Variants in PTP4A3 observed in about 807,000 individuals in gnomAD.
The protein encoded by PTP4A3 is protein tyrosine phosphatase 4A3.
A neutral mutation model predicts 15.2 loss-of-function variants in PTP4A3; 9 were observed. The observed-to-expected ratio is 0.59, with a 90% CI of 0.36 to 1.03. PTP4A3 has a LOEUF of 1.03. PTP4A3 is among the 50% of genes least tolerant of loss of function. The probability of loss-of-function intolerance (pLI) is 0.02; values close to 1 mark genes in which losing one functional copy is unlikely to be tolerated. For synonymous variants in PTP4A3, 95 were observed against 102.0 expected, an observed-to-expected ratio of 0.93 and a Z score of 0.41; for missense variants, 234 against 252.1, an observed-to-expected ratio of 0.93 and a Z score of 0.49.
At chr8:141,419,576 T>C (rs1159410197) in intron 1 of PTP4A3, among the ~76,000 whole-genome samples, 2 of 150,660 alleles carry the variant, frequency 1.3e-5, no homozygotes, top group Non-Finnish European at 3.0e-5. Flanking sequence ...CACCGGTTTT[T>C]TTTTTTTTTT....
At chr8:141,408,958 G>A (rs1832798942) in intron 1 of PTP4A3, among the ~76,000 whole-genome samples, 1 of 152,258 alleles carries the variant, frequency 6.6e-6, no homozygotes, top group Non-Finnish European at 1.5e-5. Context: ...AAGGTTGTGA[G>A]GTACCCACGC....
rs528643806 is a variant in PTP4A3 at position 141,393,436 on chromosome 8, G to A, written c.-854+1352G>A. Reference sequence around the variant, plus strand: ...GGAATTCCTGGGCTGTTTCCAAATAGCCCCGCTAGGGAGCTGGTCACCCCT... The same window carrying A: ...GGAATTCCTGGGCTGTTTCCAAATAACCCCGCTAGGGAGCTGGTCACCCCT... On this transcript the variant is annotated intron_variant, in intron 1 of 5. Coordinates refer to ENST00000521578, the MANE Select transcript of PTP4A3 (RefSeq NM_032611.3). Among the ~76,000 whole-genome samples the A allele has an allele frequency of 8.5e-5, 13 of 152,308 alleles. No individual in the cohort carries two copies. The South Asian group carries it at 2.7e-3, about 32-fold the overall frequency.
chr8:141,428,743 G>C (rs912152997), intron 5 of PTP4A3, among the ~76,000 whole-genome samples: 1 of 152,234 alleles, frequency 6.6e-6, no homozygotes, highest in Non-Finnish European at 1.5e-5. Context: ...ACGCATGGGG[G>C]TCATACAGGC....
Position 141,406,576 on chromosome 8 carries a change from A to C in PTP4A3, c.-854+14492A>C, listed in dbSNP as rs147816512. ...CTGCTCTGTTGGACCAATTAGGCCAACTCTGGGGATATGTGACCCCAGTGT... is the reference window on the plus strand; with the variant it reads ...CTGCTCTGTTGGACCAATTAGGCCACCTCTGGGGATATGTGACCCCAGTGT... On this transcript the variant is annotated intron_variant, in intron 1 of 5. Coordinates refer to ENST00000521578, the MANE Select transcript of PTP4A3 (RefSeq NM_032611.3). The surrounding 1 kb of genome is among the most constrained non-coding windows in gnomAD (Gnocchi z 4.5). 2.1e-3 allele frequency among the ~76,000 whole-genome samples: 322 copies of C among 151,264 alleles called. 2 individuals are homozygous for C. Among genetic ancestry groups the C allele is most frequent in the South Asian group, 8.4e-3 (40 of 4,788 alleles).
chr8:141,402,729 A>G (rs1386385375), intron 1 of PTP4A3, among the ~76,000 whole-genome samples: 4 of 28,022 alleles, frequency 1.4e-4, no homozygotes, highest in Non-Finnish European at 2.3e-4. Flanking sequence ...CTTTCCCCCC[A>G]CCCCTCCCCC....
intron 1 of PTP4A3, among the ~76,000 whole-genome samples, chr8:141,419,159 G>A (rs559838808): frequency 3.3e-5 from 5 of 152,222 alleles, no homozygotes; most frequent in African/African-American, 1.2e-4. Flanking sequence ...GGGGTGGTTC[G>A]GAGCCTCCTC....
intron 1 of PTP4A3, among the ~76,000 whole-genome samples, chr8:141,417,451 T>C (rs1833098989): frequency 6.6e-6 from 1 of 151,966 alleles, no homozygotes. Context: ...GGCGCCCTCC[T>C]CCTCAGGGTG....
chr8:141,419,318 T>C (rs954960248), intron 1 of PTP4A3, among the ~76,000 whole-genome samples: 1 of 152,194 alleles, frequency 6.6e-6, no homozygotes, highest in African/African-American at 2.4e-5. Context: ...GGCCCAATAC[T>C]GTGGTTTCTC....
chr8:141,412,662 C>T (rs1832901045), intron 1 of PTP4A3, among the ~76,000 whole-genome samples: 1 of 152,240 alleles, frequency 6.6e-6, no homozygotes, highest in Non-Finnish European at 1.5e-5. Context: ...ATCCTTTCTG[C>T]AGAGCAGGCT....
At chr8:141,420,944 C>T (rs7388002) in intron 1 of PTP4A3, among the ~76,000 whole-genome samples, 1 of 152,060 alleles carries the variant, frequency 6.6e-6, no homozygotes, top group East Asian at 1.9e-4. Flanking sequence ...GGCTGAGAAT[C>T]GGAAGAGGAG....
intron 1 of PTP4A3, among the ~76,000 whole-genome samples, chr8:141,408,044 G>A (rs1054114371): frequency 6.6e-6 from 1 of 152,218 alleles, no homozygotes; most frequent in Non-Finnish European, 1.5e-5. Flanking sequence ...CAGGTGGAGC[G>A]GGCACAGACT....
chr8:141,420,918 C>T (rs1047095833), intron 1 of PTP4A3, among the ~76,000 whole-genome samples: 4 of 152,236 alleles, frequency 2.6e-5, no homozygotes, highest in Non-Finnish European at 4.4e-5. Flanking sequence ...GACACCTGGG[C>T]TCAGATGTTC....
rs115156771 is a variant in PTP4A3 at position 141,403,612 on chromosome 8, G to A, written c.-854+11528G>A. Among the ~76,000 whole-genome samples the A allele has an allele frequency of 1.5e-3, 236 of 152,316 alleles. 1 individual carries two copies. The highest frequency in any genetic ancestry group is 5.1e-3 in the African/African-American group (213 of 41,552). ...GCCAGGTATTTCTGGTCACAAAAACGTCACCAGGCTTCCAATGAAGACCCC... is the reference window on the plus strand; with the variant it reads ...GCCAGGTATTTCTGGTCACAAAAACATCACCAGGCTTCCAATGAAGACCCC... On this transcript the variant is annotated intron_variant, in intron 1 of 5. Coordinates refer to ENST00000521578, the MANE Select transcript of PTP4A3 (RefSeq NM_032611.3).
intron 1 of PTP4A3, among the ~76,000 whole-genome samples, chr8:141,411,168 C>G (rs899999433): frequency 6.6e-6 from 1 of 152,204 alleles, no homozygotes. Flanking sequence ...GGCCGAGCCC[C>G]GCTTTTTCTG....
rs113106708 is a variant in PTP4A3, at chr8:141,403,634, C to A, written c.-854+11550C>A. On this transcript the variant is annotated intron_variant, in intron 1 of 5. Coordinates refer to ENST00000521578, the MANE Select transcript of PTP4A3 (RefSeq NM_032611.3). ...AACGTCACCAGGCTTCCAATGAAGA[C>A]CCCAAACACTTCTAACATTAAACAC... Among the ~76,000 whole-genome samples, 742 of 152,338 alleles carry A rather than the reference C, an allele frequency of 4.9e-3. 8 individuals carry two copies. The highest frequency in any genetic ancestry group is 0.017 in the African/African-American group (689 of 41,566).
At position 141,431,383 on chromosome 8, in the gene PTP4A3, G is replaced by A. The variant is rs959479493; in HGVS notation, c.*339G>A. ...TCTAGCCTGTTTGTTGTGGGGTGGG[G>A]GTATATTTTGTAACCACTGGGCCCC... On this transcript the variant is annotated 3_prime_UTR_variant, in exon 6 of 6. Transcript: ENST00000521578. 5.9e-6 allele frequency: 2 copies of A among 337,624 alleles called. No individual in the cohort carries two copies. Among genetic ancestry groups the A allele is most frequent in the African/African-American group, 4.3e-5 (2 of 46,766 alleles). 20.9% of individuals were successfully genotyped at this position (337,624 alleles called of 1,614,324 possible).
intron 1 of PTP4A3, among the ~76,000 whole-genome samples, chr8:141,407,188 C>A (rs1832752025): frequency 6.6e-6 from 1 of 152,244 alleles, no homozygotes; most frequent in African/African-American, 2.4e-5. Context: ...CCCCACAGTC[C>A]ACATGCTGGC....
intron 1 of PTP4A3, among the ~76,000 whole-genome samples, chr8:141,413,191 A>C (rs1181896319): frequency 6.6e-6 from 1 of 152,130 alleles, no homozygotes; most frequent in Non-Finnish European, 1.5e-5. Flanking sequence ...GGGAGGCCAG[A>C]TCAGGGGCCT....
chr8:141,407,716 G>A (rs1180582310), intron 1 of PTP4A3, among the ~76,000 whole-genome samples: 1 of 151,938 alleles, frequency 6.6e-6, no homozygotes, highest in Admixed American at 6.6e-5. Context: ...ACAGGTGCCC[G>A]CCACCACACC....
Sources: allele counts gnomAD v4.1 joint callset (sites outside exome capture counted in the v4.1 genomes callset), GRCh38; gene constraint gnomAD v4.1.1; non-coding constraint Gnocchi (gnomAD v3.1); transcripts MANE v1.5; gene names NCBI Gene and HGNC (gene_info 2026-07-23, HGNC 2026-07-21).